Variants in COL13A1 observed in about 807,000 individuals in gnomAD.
COL13A1 encodes the protein collagen type XIII alpha 1 chain.
Under a neutral mutation model 130.9 loss-of-function variants are expected in COL13A1, and 89 were observed. The observed-to-expected ratio is 0.68, with a 90% CI of 0.57 to 0.81. The LOEUF (loss-of-function observed/expected upper bound fraction) is 0.81, where lower values mean the gene tolerates loss of function less well. Ranked by LOEUF, COL13A1 falls within the 30% of genes least tolerant of loss-of-function variation. COL13A1 has a pLI of 0.00. For synonymous variants in COL13A1, 402 were observed against 341.6 expected, an observed-to-expected ratio of 1.18 and a Z score of -1.95; for missense variants, 879 against 934.6, an observed-to-expected ratio of 0.94 and a Z score of 0.78.
intron 2 of COL13A1, among the ~76,000 whole-genome samples, chr10:69,826,417 G>T (rs1847495130): frequency 6.6e-6 from 1 of 152,244 alleles, no homozygotes; most frequent in Non-Finnish European, 1.5e-5. Flanking sequence ...TGCAGCAGTG[G>T]TGGCATGGGG....
chr10:69,906,498 A>G (rs1277724955), intron 17 of COL13A1, among the ~76,000 whole-genome samples: 2 of 152,140 alleles, frequency 1.3e-5, no homozygotes, highest in Non-Finnish European at 2.9e-5. Context: ...AGGAAGCTAG[A>G]CAGACTTCCT....
At position 69,801,978 on chromosome 10, in the gene COL13A1, A is replaced by G. The variant is rs1460098996; in HGVS notation, c.-446A>G. 6.3e-6 allele frequency: 1 copy of G among 159,096 alleles called. No individual in the cohort carries two copies. Among genetic ancestry groups the G allele is most frequent in the Non-Finnish European group, 1.4e-5 (1 of 73,068 alleles). The allele number at this position is 159,096 out of a possible 1,614,324, so 9.9% of individuals were successfully genotyped here. A position where few individuals can be genotyped will look rare whatever the true frequency, so the allele number is the denominator to read the frequency against. On this transcript the variant is annotated 5_prime_UTR_variant, in exon 1 of 41. Coordinates refer to ENST00000645393, the MANE Select transcript of COL13A1 (RefSeq NM_001368882.1). ...GGAATCGGCCCCTGCGCTCCTCGCC[A>G]GCCGCCACGACCCACCTCTGCCCAT...
intron 1 of COL13A1, among the ~76,000 whole-genome samples, chr10:69,822,127 ATTTC>A (rs1846235090): frequency 6.6e-6 from 1 of 152,190 alleles, no homozygotes; most frequent in African/African-American, 2.4e-5. Flanking sequence ...TTTGGGGTTA[ATTTC>A]TTTAAGAGTG....
chr10:69,928,531 T>C (rs1271484420), intron 27 of COL13A1, among the ~76,000 whole-genome samples: 3 of 152,238 alleles, frequency 2.0e-5, no homozygotes, highest in African/African-American at 7.2e-5. Flanking sequence ...CTTGGTTCTT[T>C]TTCCCTGCTG....
chr10:69,849,747 AC>A, intron 2 of COL13A1, among the ~76,000 whole-genome samples: 3 of 152,114 alleles, frequency 2.0e-5, no homozygotes, highest in Middle Eastern at 3.4e-3. Flanking sequence ...TGACTCCTTT[AC>A]AGGTGTTTTT....
At chr10:69,818,626 G>A (rs924542208) in intron 1 of COL13A1, among the ~76,000 whole-genome samples, 1 of 152,202 alleles carries the variant, frequency 6.6e-6, no homozygotes, top group Non-Finnish European at 1.5e-5. Flanking sequence ...TAAACCTGAA[G>A]GCCTGAGAGC....
chr10:69,918,270 TTC>T lies in COL13A1; in HGVS notation c.967-7_967-6del, dbSNP rs762174692. On this transcript the variant is annotated splice_polypyrimidine_tract_variant and intron_variant, in intron 18 of 40. Transcript: ENST00000645393. ...GCAGAATGTCTTCAGACCTTTTTTTTTCTCTCTCTGCCAGGGGGCGCCCGGAA... is the reference window on the plus strand; with the variant it reads ...GCAGAATGTCTTCAGACCTTTTTTTTTCTCTCTGCCAGGGGGCGCCCGGAA... 2 of 1,611,288 alleles carry T rather than the reference TTC, an allele frequency of 1.2e-6. No individual in the cohort carries two copies. The highest frequency in any genetic ancestry group is 1.7e-6 in the Non-Finnish European group (2 of 1,178,754).
intron 2 of COL13A1, among the ~76,000 whole-genome samples, chr10:69,833,792 G>A (rs963355412): frequency 2.0e-5 from 3 of 152,208 alleles, no homozygotes; most frequent in Non-Finnish European, 2.9e-5. Context: ...TGGGAAATGA[G>A]GAATGATCTG....
intron 7 of COL13A1, among the ~76,000 whole-genome samples, chr10:69,883,299 T>C (rs1256399586): frequency 1.3e-5 from 2 of 152,150 alleles, no homozygotes; most frequent in Non-Finnish European, 2.9e-5. Flanking sequence ...CTGCCAGTCC[T>C]AGGAAATGCC....
At chr10:69,944,249 T>G in intron 36 of COL13A1, 71 bp downstream of exon 36, 1 of 1,288,686 alleles carries the variant, frequency 7.8e-7, no homozygotes, top group Non-Finnish European at 1.1e-6. Flanking sequence ...ACACCAGGGG[T>G]CTCAGCCCTC....
chr10:69,888,543 G>C (rs540893275), intron 9 of COL13A1, among the ~76,000 whole-genome samples: 128 of 152,186 alleles, frequency 8.4e-4, no homozygotes, highest in Non-Finnish European at 1.6e-3. Flanking sequence ...TGCTGAGCTT[G>C]GCTTTCGAAG....
chr10:69,860,666 T>TC, intron 2 of COL13A1: 1 of 129,162 alleles, frequency 7.7e-6, no homozygotes, highest in South Asian at 7.4e-5. Context: ...TCACCCTCCA[T>TC]CCCCCTGGGC....
chr10:69,949,386 T>C (rs2069035610), intron 38 of COL13A1, among the ~76,000 whole-genome samples: 1 of 152,226 alleles, frequency 6.6e-6, no homozygotes, highest in Admixed American at 6.5e-5. Context: ...TTTCACCATA[T>C]TGGCCAGGCT....
At chr10:69,874,645 G>A (rs2059405014) in intron 4 of COL13A1, among the ~76,000 whole-genome samples, 1 of 152,194 alleles carries the variant, frequency 6.6e-6, no homozygotes, top group South Asian at 2.1e-4. Context: ...CAAACCAGGG[G>A]CTGGGGAGGA....
intron 5 of COL13A1, among the ~76,000 whole-genome samples, chr10:69,875,506 C>A (rs1280522568): frequency 6.6e-6 from 1 of 152,194 alleles, no homozygotes; most frequent in Non-Finnish European, 1.5e-5. Context: ...ACTCCGCCCC[C>A]CAAAGCTGGC....
intron 34 of COL13A1, 133 bp from the exon 35 acceptor site, chr10:69,940,855 T>G (rs2067528008): frequency 8.2e-7 from 1 of 1,217,182 alleles, no homozygotes; most frequent in East Asian, 2.4e-5. Flanking sequence ...TTTCTCCAGT[T>G]GTGTTTGATT....
intron 2 of COL13A1, among the ~76,000 whole-genome samples, chr10:69,849,168 G>A (rs570605009): frequency 1.2e-3 from 182 of 152,324 alleles, no homozygotes; most frequent in Non-Finnish European, 2.1e-3. Context: ...ACAGAGAACG[G>A]GTTTCTGACC....
intron 2 of COL13A1, among the ~76,000 whole-genome samples, chr10:69,850,250 CTG>C (rs916485159): frequency 6.6e-6 from 1 of 150,992 alleles, no homozygotes; most frequent in African/African-American, 2.4e-5. Flanking sequence ...TAAGTTTAGA[CTG>C]TGCGACACAG....
intron 7 of COL13A1, 23 bp from the exon 8 acceptor site, chr10:69,887,433 G>A: frequency 6.2e-7 from 1 of 1,607,970 alleles, no homozygotes; most frequent in Non-Finnish European, 8.5e-7. Flanking sequence ...AATCTCATGT[G>A]TCTCTTGTTT....
Sources: allele counts gnomAD v4.1 joint callset (sites outside exome capture counted in the v4.1 genomes callset), GRCh38; gene constraint gnomAD v4.1.1; transcripts MANE v1.5; gene names NCBI Gene and HGNC (gene_info 2026-07-23, HGNC 2026-07-21).